SNTB1: variants seen among roughly 807,000 people sequenced by gnomAD.
SNTB1 encodes beta-1-syntrophin.
In SNTB1, 36 loss-of-function variants were observed where a neutral mutation model predicts 48.9. The observed-to-expected ratio is 0.74, with a 90% CI of 0.56 to 0.97. The LOEUF (loss-of-function observed/expected upper bound fraction) is 0.97. Among genes scored for constraint, SNTB1 ranks in the 50% least tolerant of loss-of-function variants. SNTB1 has a pLI of 0.00. For synonymous variants in SNTB1, 299 were observed against 294.6 expected (o/e 1.01, Z -0.15); for missense variants, 786 against 703.4 (o/e 1.12, Z -1.33).
At chr8:120,619,703 T>G (rs1208636265) in intron 3 of SNTB1, among the ~76,000 whole-genome samples, 1 of 152,220 alleles carries the variant, frequency 6.6e-6, no homozygotes, top group Non-Finnish European at 1.5e-5. Flanking sequence ...CAGTTTTTAC[T>G]CTGTGTGACC....
At chr8:120,787,252 G>T (rs780175892) in intron 1 of SNTB1, among the ~76,000 whole-genome samples, 18 of 151,882 alleles carry the variant, frequency 1.2e-4, no homozygotes, top group Non-Finnish European at 2.4e-4. Context: ...AAAATAATTA[G>T]ATGAAATAGT....
At chr8:120,547,592 C>CAAAAAAAAAAAAAAAAAAA in intron 5 of SNTB1, among the ~76,000 whole-genome samples, 1 of 89,070 alleles carries the variant, frequency 1.1e-5, no homozygotes, top group Non-Finnish European at 2.1e-5. Flanking sequence ...AACACTGTCT[C>CAAAAAAAAAAAAAAAAAAA]AAAAAAAAAA....
At chr8:120,727,754 A>G (rs1818784489) in intron 1 of SNTB1, among the ~76,000 whole-genome samples, 1 of 152,192 alleles carries the variant, frequency 6.6e-6, no homozygotes, top group African/African-American at 2.4e-5. Context: ...GTGGTTGCCT[A>G]TGAGAATTTT....
chr8:120,770,822 AT>A (rs1297150188), intron 1 of SNTB1, among the ~76,000 whole-genome samples: 2 of 152,146 alleles, frequency 1.3e-5, no homozygotes, highest in Admixed American at 6.6e-5. Context: ...TCAAAAAAAA[AT>A]TTTTAAAAAG....
chr8:120,644,781 A>G (rs1817256520), intron 2 of SNTB1, among the ~76,000 whole-genome samples: 1 of 148,908 alleles, frequency 6.7e-6, no homozygotes, highest in Non-Finnish European at 1.5e-5. Context: ...TTCCACCAAC[A>G]GTGTAAAAGT....
At chr8:120,641,240 A>G (rs1817191224) in intron 2 of SNTB1, among the ~76,000 whole-genome samples, 1 of 152,232 alleles carries the variant, frequency 6.6e-6, no homozygotes, top group African/African-American at 2.4e-5. Context: ...TCTCAAAAGC[A>G]TTAATGAGAT....
intron 4 of SNTB1, among the ~76,000 whole-genome samples, chr8:120,558,057 A>C (rs769909587): frequency 2.0e-5 from 3 of 152,210 alleles, no homozygotes; most frequent in Non-Finnish European, 4.4e-5. Flanking sequence ...TGGACATTTG[A>C]AAAGGTAAGG....
At chr8:120,686,650 A>C (rs537126066) in intron 2 of SNTB1, among the ~76,000 whole-genome samples, 1 of 152,278 alleles carries the variant, frequency 6.6e-6, no homozygotes, top group South Asian at 2.1e-4. Context: ...AAAATCAGAG[A>C]GATTGGATAA....
intron 1 of SNTB1, among the ~76,000 whole-genome samples, chr8:120,809,261 A>C (rs766297952): frequency 2.0e-5 from 3 of 152,122 alleles, no homozygotes; most frequent in Non-Finnish European, 4.4e-5. Context: ...ATTTTGAAAA[A>C]CTTGGGCTGA....
chr8:120,548,828 G>A lies in SNTB1; in HGVS notation c.1267C>T (p.His423Tyr). The change falls in exon 5 of 7, where the codon CAC (histidine) becomes TAC (tyrosine). Residue 423 changes from histidine (H) to tyrosine (Y), a missense_variant. Coordinates refer to ENST00000517992, the MANE Select transcript of SNTB1 (RefSeq NM_021021.4). ...CCCTGTACTATGCTCCTTGTCCAGT[G>A]GGAGAGGTCCCTGCTGGTCTCTGCT... is the stretch of plus-strand genomic sequence containing the variant. ...FRAETSRDLS[H>Y]WTRSIVQGCH... 2 of 1,614,116 alleles carry A rather than the reference G, an allele frequency of 1.2e-6. No individual in the cohort carries two copies. The highest frequency in any genetic ancestry group is 2.2e-5 in the South Asian group (2 of 91,078).
chr8:120,547,880 G>C (rs1815410063), intron 5 of SNTB1, among the ~76,000 whole-genome samples: 1 of 152,148 alleles, frequency 6.6e-6, no homozygotes, highest in Admixed American at 6.5e-5. Context: ...CTTATCCCCA[G>C]CTCAATGCCT....
chr8:120,584,221 C>T (rs930220805), intron 3 of SNTB1, among the ~76,000 whole-genome samples: 14 of 151,888 alleles, frequency 9.2e-5, no homozygotes, highest in Middle Eastern at 3.4e-3. Flanking sequence ...GCGGGCAGAT[C>T]ACCTGAGGTC....
chr8:120,708,784 A>T (rs1387564603), intron 1 of SNTB1, among the ~76,000 whole-genome samples: 1 of 152,156 alleles, frequency 6.6e-6, no homozygotes, highest in East Asian at 1.9e-4. Flanking sequence ...AAACAAAAGA[A>T]GCCCTTAGTA....
intron 1 of SNTB1, among the ~76,000 whole-genome samples, chr8:120,804,865 C>T (rs1419218564): frequency 1.3e-5 from 2 of 152,168 alleles, no homozygotes; most frequent in East Asian, 1.9e-4. Flanking sequence ...AGGCATTTGC[C>T]TTCTATAATG....
At chr8:120,550,472 G>A (rs1235686839) in intron 4 of SNTB1, among the ~76,000 whole-genome samples, 8 of 151,202 alleles carry the variant, frequency 5.3e-5, no homozygotes, top group African/African-American at 1.9e-4. Flanking sequence ...AATCTGGGAG[G>A]CAGAGATTGC....
intron 3 of SNTB1, among the ~76,000 whole-genome samples, chr8:120,583,514 AACACACACACACACACACAC>A (rs10524445): frequency 5.6e-5 from 8 of 143,156 alleles, no homozygotes; most frequent in Non-Finnish European, 7.5e-5. Flanking sequence ...TCCGTCTCAA[AACACACACACACACACACAC>A]ACACACACAC....
At chr8:120,705,435 GTTAACTTCACT>G (rs1198518271) in intron 1 of SNTB1, among the ~76,000 whole-genome samples, 2 of 152,134 alleles carry the variant, frequency 1.3e-5, no homozygotes, top group Non-Finnish European at 2.9e-5. Flanking sequence ...TGGGGATTTG[GTTAACTTCACT>G]TTGTGTATGT....
intron 1 of SNTB1, among the ~76,000 whole-genome samples, chr8:120,707,931 A>T (rs1233822594): frequency 1.3e-5 from 2 of 152,174 alleles, no homozygotes; most frequent in African/African-American, 4.8e-5. Context: ...CTCTGTGACA[A>T]TTACATCAGA....
At chr8:120,671,296 G>C (rs1005088966) in intron 2 of SNTB1, among the ~76,000 whole-genome samples, 11 of 152,192 alleles carry the variant, frequency 7.2e-5, no homozygotes, top group African/African-American at 2.7e-4. Flanking sequence ...ACCTCAGAAT[G>C]CAACCTTATT....
Sources: gnomAD v4.1 joint callset for allele counts (sites outside exome capture counted in the v4.1 genomes callset) on GRCh38, gnomAD v4.1.1 for gene constraint, MANE v1.5 for transcripts, NCBI Gene and HGNC (gene_info 2026-07-23, HGNC 2026-07-21) for gene names.